The following PLEK variants were observed in gnomAD, a reference collection of about 807,000 sequenced individuals.
PLEK encodes the protein platelet 47 kDa protein.
Under a neutral mutation model 43.9 loss-of-function variants are expected in PLEK, and 25 were observed. That is an observed-to-expected ratio of 0.57 (90% confidence interval 0.41 to 0.79). PLEK has a LOEUF of 0.79. PLEK is among the 30% of genes least tolerant of loss of function. The pLI is 0.00. For synonymous variants in PLEK, 152 were observed against 144.4 expected (o/e 1.05, Z -0.38); for missense variants, 396 against 413.3 (o/e 0.96, Z 0.36).
chr2:68,378,869 C>T (rs1266036649), intron 1 of PLEK, among the ~76,000 whole-genome samples: 1 of 152,138 alleles, frequency 6.6e-6, no homozygotes, highest in African/African-American at 2.4e-5. Flanking sequence ...ATGGCTCACA[C>T]CTGTAATCCC....
chr2:68,393,867 T>A (rs1673908268), intron 7 of PLEK, among the ~76,000 whole-genome samples: 1 of 152,160 alleles, frequency 6.6e-6, no homozygotes, highest in South Asian at 2.1e-4. Flanking sequence ...TTTCTCCAGA[T>A]TGAAGTCCAG....
intron 1 of PLEK, among the ~76,000 whole-genome samples, chr2:68,375,063 G>T (rs1489232902): frequency 6.6e-6 from 1 of 152,168 alleles, no homozygotes; most frequent in Non-Finnish European, 1.5e-5. Context: ...GAGTGAAATT[G>T]CTGGTGCAAA....
chr2:68,370,958 A>G (rs1673387815), intron 1 of PLEK, among the ~76,000 whole-genome samples: 1 of 152,212 alleles, frequency 6.6e-6, no homozygotes, highest in Non-Finnish European at 1.5e-5. Flanking sequence ...GGGGGTAGTC[A>G]TTTTTAGATG....
Position 68,395,765 on chromosome 2 carries a change from G to A in PLEK, c.1002G>A (p.Glu334=), listed in dbSNP as rs1270462284. The part of the protein sequence containing the change: ...HYFLQAATPK[E]RTEWIRAIQM... ...TCTTGCAAGCAGCCACCCCCAAGGAGCGCACAGAGTGGATCAGAGCCATCC... is the reference window on the plus strand; with the variant it reads ...TCTTGCAAGCAGCCACCCCCAAGGAACGCACAGAGTGGATCAGAGCCATCC... Residue 334 remains glutamate (E), a synonymous_variant, in exon 9 of 9, where the codon GAG becomes GAA. Coordinates refer to ENST00000234313, the MANE Select transcript of PLEK (RefSeq NM_002664.3). The A allele has an allele frequency of 5.0e-6, 8 of 1,613,788 alleles. No individual in the cohort carries two copies. Among genetic ancestry groups the A allele is most frequent in the Non-Finnish European group, 5.9e-6 (7 of 1,179,798 alleles).
At chr2:68,379,308 T>A (rs571865573) in intron 1 of PLEK, among the ~76,000 whole-genome samples, 31 of 152,252 alleles carry the variant, frequency 2.0e-4, no homozygotes, top group African/African-American at 7.2e-4. Context: ...GTCAGATTAG[T>A]TGGTTTGCAG....
chr2:68,381,447 A>T (rs1369069728), intron 3 of PLEK, among the ~76,000 whole-genome samples: 8 of 152,158 alleles, frequency 5.3e-5, no homozygotes, highest in Non-Finnish European at 1.0e-4. Context: ...CAACAGGAAG[A>T]TCTAGCTCCT....
At chr2:68,392,871 C>A (rs1673887453) in intron 6 of PLEK, among the ~76,000 whole-genome samples, 1 of 140,960 alleles carries the variant, frequency 7.1e-6, no homozygotes, top group Non-Finnish European at 1.6e-5. Context: ...CCCTACATTA[C>A]CTAACACAGC....
intron 2 of PLEK, 48 bp downstream of exon 2, chr2:68,380,531 C>T (rs1450351264): frequency 6.3e-7 from 1 of 1,578,878 alleles, no homozygotes. Context: ...AGGCACTCAA[C>T]TTTTGGTGCA....
In PLEK at chr2:68,395,715, A is replaced by G. The variant is rs1673950211; in HGVS notation, c.952A>G (p.Ile318Val). 2 of 1,614,072 alleles carry G rather than the reference A, an allele frequency of 1.2e-6. No homozygotes were observed. Among genetic ancestry groups the G allele is most frequent in the Non-Finnish European group, 1.7e-6 (2 of 1,179,948 alleles). The change falls in exon 9 of 9, where the codon ATC (isoleucine) becomes GTC (valine). Residue 318 changes from isoleucine to valine, a missense_variant. Coordinates refer to ENST00000234313, the MANE Select transcript of PLEK (RefSeq NM_002664.3). ...TGAGGAAGAGAACCTTTTTGAGATC[A>G]TCACAGCAGATGAAGTGCACTATTT... ...KSEEENLFEI[I>V]TADEVHYFLQ...
At position 68,397,352 on chromosome 2, in the gene PLEK, T is replaced by C. The variant is rs993979312; in HGVS notation, c.*1536T>C. 6.6e-5 allele frequency: 10 copies of C among 152,172 alleles called. No homozygotes were observed. Among genetic ancestry groups the C allele is most frequent in the Non-Finnish European group, 8.8e-5 (6 of 68,036 alleles). The allele number at this position is 152,172 out of a possible 1,614,324, so 9.4% of individuals were successfully genotyped here. ...TCTCTGATTCTTTAATAAATTATCT[T>C]TATAGAATATGCACAAGTTTTTCTA... On this transcript the variant is annotated 3_prime_UTR_variant, in exon 9 of 9. Coordinates refer to ENST00000234313, the MANE Select transcript of PLEK (RefSeq NM_002664.3).
intron 3 of PLEK, 131 bp downstream of exon 3, chr2:68,381,035 GT>G (rs1673603618): frequency 1.3e-6 from 1 of 775,800 alleles, no homozygotes; most frequent in Non-Finnish European, 2.1e-6. Context: ...CTGGCACTTG[GT>G]GTACTAAAAT....
intron 1 of PLEK, chr2:68,365,663 C>T: frequency 2.6e-6 from 1 of 388,220 alleles, no homozygotes; most frequent in East Asian, 5.1e-5. Flanking sequence ...CTAACTCCCT[C>T]CAGATTTAGA....
At chr2:68,365,445 C>CT (rs1360564221) in intron 1 of PLEK, 52 bp downstream of exon 1, 5 of 1,458,800 alleles carry the variant, frequency 3.4e-6, no homozygotes, top group Non-Finnish European at 4.8e-6. Flanking sequence ...GCTGGGGAGA[C>CT]TTGGGTTCAG....
intron 4 of PLEK, among the ~76,000 whole-genome samples, chr2:68,385,389 A>G (rs796131687): frequency 5.3e-5 from 8 of 152,326 alleles, no homozygotes; most frequent in African/African-American, 1.9e-4. Context: ...TGACTTCTCA[A>G]GGTCCCTGCT....
chr2:68,365,348 C>G lies in PLEK; in HGVS notation c.-4C>G. 1 of 1,613,702 alleles carries G rather than the reference C, an allele frequency of 6.2e-7. No homozygotes were observed. The highest frequency in any genetic ancestry group is 8.5e-7 in the Non-Finnish European group (1 of 1,179,676). On this transcript the variant is annotated 5_prime_UTR_variant, in exon 1 of 9. Coordinates refer to ENST00000234313, the MANE Select transcript of PLEK (RefSeq NM_002664.3). ...TGACCTTTGCATCTGCCTGTCCAGC[C>G]AGCATGGAACCAAAGCGGATCAGAG...
In PLEK at chr2:68,388,407, T is replaced by C. The variant is rs935436533; in HGVS notation, c.678T>C (p.Cys226=). The change falls in exon 6 of 9, where the codon TGT becomes TGC. Residue 226 remains cysteine, a synonymous_variant. Coordinates refer to ENST00000234313, the MANE Select transcript of PLEK (RefSeq NM_002664.3). ...FYYFPDSGFF[C]EENSSDDDVI... is the part of the protein sequence containing the mutation. ...AACAGCCAGACAGTGGGTTCTTCTG[T>C]GAAGAGAATTCCAGTGATGATGATG... is the stretch of plus-strand genomic sequence containing the variant. 48 of 1,608,264 alleles carry C rather than the reference T, an allele frequency of 3.0e-5. No homozygotes were observed. Among genetic ancestry groups the C allele is most frequent in the Non-Finnish European group, 3.7e-5 (44 of 1,174,770 alleles).
In PLEK at chr2:68,395,832, C is replaced by T; in HGVS notation, c.*16C>T. The T allele has an allele frequency of 1.2e-6, 2 of 1,607,250 alleles. No homozygotes were observed. Among genetic ancestry groups the T allele is most frequent in the South Asian group, 1.1e-5 (1 of 90,940 alleles). ...TGGGAAGTAAAGAGACTCCTGCATT[C>T]CTCCTCCCCTCCTGAGGGAAGCCCA... On this transcript the variant is annotated 3_prime_UTR_variant, in exon 9 of 9. Coordinates refer to ENST00000234313, the MANE Select transcript of PLEK (RefSeq NM_002664.3).
Position 68,388,460 on chromosome 2 carries a change from T to C in PLEK, c.731T>C (p.Val244Ala), listed in dbSNP as rs1228443284. ...ATTCTGAAAGAAGAATTCAGAGGGG[T>C]CATTATCAAGCAGGGATGTTTACTG... ...DVILKEEFRG[V>A]IIKQGCLLKQ... Residue 244 changes from valine to alanine, a missense_variant, in exon 6 of 9, where the codon GTC becomes GCC. Transcript: ENST00000234313. 3 of 1,605,118 alleles carry C rather than the reference T, an allele frequency of 1.9e-6. No homozygotes were observed. Among genetic ancestry groups the C allele is most frequent in the Non-Finnish European group, 2.6e-6 (3 of 1,171,998 alleles).
At chr2:68,391,318 G>T (rs1673854294) in intron 6 of PLEK, among the ~76,000 whole-genome samples, 2 of 152,160 alleles carry the variant, frequency 1.3e-5, no homozygotes, top group Non-Finnish European at 2.9e-5. Context: ...ATAATAAGTT[G>T]GTGATTGTCC....
Sources: gnomAD v4.1 joint callset for allele counts (sites outside exome capture counted in the v4.1 genomes callset) on GRCh38, gnomAD v4.1.1 for gene constraint, MANE v1.5 for transcripts, NCBI Gene and HGNC (gene_info 2026-07-23, HGNC 2026-07-21) for gene names.